The following PKNOX1 variants were observed in gnomAD, a reference collection of about 807,000 sequenced individuals.
PKNOX1 encodes homeobox protein PKNOX1.
In PKNOX1, 15 loss-of-function variants were observed where a neutral mutation model predicts 51.9. The observed-to-expected ratio is 0.29, with a 90% CI of 0.19 to 0.45. PKNOX1 has a LOEUF of 0.45. PKNOX1 is among the 20% of genes least tolerant of loss of function. The probability of loss-of-function intolerance (pLI) is 1.00; values close to 1 mark genes in which losing one functional copy is unlikely to be tolerated. For missense variants in PKNOX1, 462 were observed against 547.5 expected, an observed-to-expected ratio of 0.84 and a Z score of 1.56; for synonymous variants, 219 against 211.1, an observed-to-expected ratio of 1.04 and a Z score of -0.32.
chr21:42,993,042 T>G (rs1319390262), intron 1 of PKNOX1, among the ~76,000 whole-genome samples: 2 of 152,134 alleles, frequency 1.3e-5, no homozygotes, highest in African/African-American at 2.4e-5. Context: ...GATGGAAGCC[T>G]CCTTGCCTTT....
At chr21:42,990,774 C>T (rs2059083206) in intron 1 of PKNOX1, among the ~76,000 whole-genome samples, 1 of 152,152 alleles carries the variant, frequency 6.6e-6, no homozygotes, top group African/African-American at 2.4e-5. Context: ...GTTTGATGAG[C>T]AATGAAAAGC....
chr21:42,974,967 GCGCCGC>G (rs545099458), intron 1 of PKNOX1, among the ~76,000 whole-genome samples: 2 of 141,836 alleles, frequency 1.4e-5, no homozygotes, highest in South Asian at 4.4e-4. Context: ...TTTCTGGAAG[GCGCCGC>G]CGCCGCCGCG....
chr21:43,000,132 A>G (rs1978686102), intron 1 of PKNOX1, among the ~76,000 whole-genome samples: 1 of 152,014 alleles, frequency 6.6e-6, no homozygotes, highest in African/African-American at 2.4e-5. Context: ...GGAAGTTCCA[A>G]ACTTTCCCAC....
At position 42,997,107 on chromosome 21, in the gene PKNOX1, C is replaced by T. The variant is rs543574626; in HGVS notation, c.-56-7219C>T. 6.6e-5 allele frequency among the ~76,000 whole-genome samples: 10 copies of T among 152,254 alleles called. No homozygotes were observed. The South Asian group carries it at 1.9e-3, about 28-fold the overall frequency. ...TTTTGGTCAGGCTGGTTTCGAATTC[C>T]TGACCTCAGGTGATCCTCCCACCTC... On this transcript the variant is annotated intron_variant, in intron 1 of 10. Transcript: ENST00000291547.
chr21:43,030,515 G>A lies in PKNOX1; in HGVS notation c.*414G>A, dbSNP rs1407496829. 6.4e-6 allele frequency: 1 copy of A among 157,028 alleles called. No individual in the cohort carries two copies. The highest frequency in any genetic ancestry group is 6.3e-5 in the Admixed American group (1 of 15,828). 9.7% of individuals were successfully genotyped at this position (157,028 alleles called of 1,614,324 possible). On this transcript the variant is annotated 3_prime_UTR_variant, in exon 11 of 11. Transcript: ENST00000291547. ...GTGGCCCATGGATTTGAAAGAAGCT[G>A]CTGCACCCGAAACTGCCAGTGTGCG... is the stretch of plus-strand genomic sequence containing the variant.
At chr21:43,007,970 A>C (rs1344782431) in intron 3 of PKNOX1, among the ~76,000 whole-genome samples, 1 of 151,796 alleles carries the variant, frequency 6.6e-6, no homozygotes, top group Non-Finnish European at 1.5e-5. Flanking sequence ...AGGCTGAGGC[A>C]GGAGAATCAC....
chr21:42,976,577 G>T (rs866532674), intron 1 of PKNOX1, among the ~76,000 whole-genome samples: 4 of 152,236 alleles, frequency 2.6e-5, no homozygotes, highest in African/African-American at 4.8e-5. Context: ...AAGTTGATGT[G>T]ATATTCCAAA....
At chr21:42,988,884 G>GACTTCTTT (rs1408330312) in intron 1 of PKNOX1, among the ~76,000 whole-genome samples, 1 of 151,910 alleles carries the variant, frequency 6.6e-6, no homozygotes, top group African/African-American at 2.4e-5. Context: ...GGCTTCTCAG[G>GACTTCTTT]CTGGGGACCC....
At chr21:43,014,288 T>A (rs918703542) in intron 5 of PKNOX1, among the ~76,000 whole-genome samples, 1 of 152,182 alleles carries the variant, frequency 6.6e-6, no homozygotes, top group Admixed American at 6.5e-5. Flanking sequence ...CCCAAAGTGC[T>A]GGGATTACAA....
intron 1 of PKNOX1, among the ~76,000 whole-genome samples, chr21:42,988,506 C>T (rs901210110): frequency 2.0e-5 from 3 of 152,148 alleles, no homozygotes; most frequent in Non-Finnish European, 2.9e-5. Flanking sequence ...ACAGTATTGT[C>T]TATGTAAAAG....
chr21:42,983,109 CTT>C (rs35784539), intron 1 of PKNOX1, among the ~76,000 whole-genome samples: 1 of 151,924 alleles, frequency 6.6e-6, no homozygotes, highest in Non-Finnish European at 1.5e-5. Flanking sequence ...TGTGGCTGGC[CTT>C]TTTTTTCCAA....
At chr21:42,982,914 A>G (rs113698474) in intron 1 of PKNOX1, among the ~76,000 whole-genome samples, 5,784 of 151,586 alleles carry the variant, frequency 0.038, 139 homozygotes, top group Middle Eastern at 0.061. Flanking sequence ...GGTTCAGGCA[A>G]TTCTCCTGCC....
rs1980356351 is a variant in PKNOX1 at position 43,033,219 on chromosome 21, T to TCC, written c.*3118_*3119insCC. On this transcript the variant is annotated 3_prime_UTR_variant, in exon 11 of 11. Transcript: ENST00000291547. ...CTTTGATTCCAGATAGTAAGATGAG[T>TCC]GGAAGTGTTTATCGAGCATGCAAAA... The TCC allele has an allele frequency of 2.6e-5, 4 of 151,476 alleles. No individual in the cohort carries two copies. In the Admixed American group the frequency reaches 2.6e-4, roughly 10 times the overall value. 9.4% of individuals were successfully genotyped at this position (151,476 alleles called of 1,614,324 possible).
At chr21:42,981,539 T>C (rs1272353825) in intron 1 of PKNOX1, among the ~76,000 whole-genome samples, 1 of 151,794 alleles carries the variant, frequency 6.6e-6, no homozygotes. Context: ...TATTTTATTT[T>C]ATTATTTATT....
intron 4 of PKNOX1, among the ~76,000 whole-genome samples, chr21:43,011,062 CTGTCT>C (rs1191667714): frequency 1.5e-4 from 18 of 121,310 alleles, no homozygotes; most frequent in Non-Finnish European, 2.3e-4. Flanking sequence ...CAAGACAGCT[CTGTCT>C]TTTTTTTTTT....
At position 43,031,400 on chromosome 21, in the gene PKNOX1, C is replaced by G. The variant is rs1980264312; in HGVS notation, c.*1299C>G. On this transcript the variant is annotated 3_prime_UTR_variant, in exon 11 of 11. Coordinates refer to ENST00000291547, the MANE Select transcript of PKNOX1 (RefSeq NM_004571.5). ...GTCAGTGTTCTCTTGTACGTTGTTG[C>G]TTTCGACTTTTCAGAGCCCTCCTGC... is the stretch of plus-strand genomic sequence containing the variant. 1 of 152,268 alleles carries G rather than the reference C, an allele frequency of 6.6e-6. No homozygotes were observed. Among genetic ancestry groups the G allele is most frequent in the South Asian group, 2.1e-4 (1 of 4,824 alleles). 9.4% of individuals were successfully genotyped at this position (152,268 alleles called of 1,614,324 possible).
intron 2 of PKNOX1, 26 bp downstream of exon 2, chr21:43,004,458 C>T (rs1233488012): frequency 1.3e-6 from 2 of 1,518,224 alleles, no homozygotes; most frequent in African/African-American, 2.7e-5. Flanking sequence ...ATTCTGCATT[C>T]TAATTACAAA....
chr21:43,004,357 A>T lies in PKNOX1; in HGVS notation c.-25A>T, dbSNP rs1978895479. ...TTCGCTTTTCACCCAAGATGATTTG[A>T]TGTCTTATAAAACTCTGATGAACCA... On this transcript the variant is annotated 5_prime_UTR_variant, in exon 2 of 11. An upstream start codon of the reference 5' UTR is lost. Transcript: ENST00000291547. 2 of 1,532,614 alleles carry T rather than the reference A, an allele frequency of 1.3e-6. No individual in the cohort carries two copies. Among genetic ancestry groups the T allele is most frequent in the Admixed American group, 3.3e-5 (2 of 59,800 alleles). 94.9% of individuals were successfully genotyped at this position (1,532,614 alleles called of 1,614,324 possible). A position where few individuals can be genotyped will look rare whatever the true frequency, so the allele number is the denominator to read the frequency against.
chr21:42,975,045 C>T (rs1207962611), intron 1 of PKNOX1, among the ~76,000 whole-genome samples: 1 of 29,348 alleles, frequency 3.4e-5, no homozygotes, highest in Non-Finnish European at 7.1e-5. Flanking sequence ...CGCGCCCCGG[C>T]GCGGGGCGGG....
Sources: gnomAD v4.1 joint callset for allele counts (sites outside exome capture counted in the v4.1 genomes callset) on GRCh38, gnomAD v4.1.1 for gene constraint, MANE v1.5 for transcripts, NCBI Gene and HGNC (gene_info 2026-07-23, HGNC 2026-07-21) for gene names.